The following RBMS3 variants were observed in gnomAD, a reference collection of about 807,000 sequenced individuals.
RBMS3 encodes the protein RNA-binding motif, single-stranded-interacting protein 3.
A neutral mutation model predicts 66.8 loss-of-function variants in RBMS3; 27 were observed. The observed-to-expected ratio is 0.40, with a 90% CI of 0.30 to 0.56. The LOEUF (loss-of-function observed/expected upper bound fraction) is 0.56. Among genes scored for constraint, RBMS3 ranks in the 20% least tolerant of loss-of-function variants. RBMS3 has a pLI of 0.40. For missense variants in RBMS3, 513 were observed against 549.5 expected (o/e 0.93, Z 0.66); for synonymous variants, 188 against 183.0 (o/e 1.03, Z -0.22).
intron 3 of RBMS3, among the ~76,000 whole-genome samples, chr3:29,578,341 C>T (rs375691895): frequency 1.3e-5 from 2 of 152,128 alleles, no homozygotes; most frequent in African/African-American, 2.4e-5. Flanking sequence ...TTGTTACTCT[C>T]GATTGTGCAT....
At chr3:29,759,994 A>G (rs2055598844) in intron 5 of RBMS3, among the ~76,000 whole-genome samples, 1 of 152,096 alleles carries the variant, frequency 6.6e-6, no homozygotes, top group Non-Finnish European at 1.5e-5. Context: ...CTCACAGCAG[A>G]CATTCACTTA....
intron 4 of RBMS3, among the ~76,000 whole-genome samples, chr3:29,727,122 T>G (rs2053918748): frequency 6.6e-6 from 1 of 152,146 alleles, no homozygotes; most frequent in African/African-American, 2.4e-5. Flanking sequence ...GGGAAAGGAT[T>G]CCCTATTTAA....
At chr3:29,683,241 A>G (rs985801836) in intron 4 of RBMS3, among the ~76,000 whole-genome samples, 1 of 152,176 alleles carries the variant, frequency 6.6e-6, no homozygotes, top group Non-Finnish European at 1.5e-5. Flanking sequence ...GCTCAAGATC[A>G]TTTTCAATGA....
At chr3:29,439,235 G>A (rs180923555) in intron 2 of RBMS3, among the ~76,000 whole-genome samples, 152 of 152,244 alleles carry the variant, frequency 1.0e-3, no homozygotes, top group Non-Finnish European at 1.8e-3. Context: ...TTTATCTTAA[G>A]AACAATGGAG....
chr3:29,364,190 A>C (rs552812408), intron 1 of RBMS3, among the ~76,000 whole-genome samples: 2 of 152,306 alleles, frequency 1.3e-5, no homozygotes, highest in South Asian at 4.2e-4. Context: ...TATATCATTA[A>C]TCGAAAACAA....
At chr3:29,398,454 C>T (rs1415761832) in intron 1 of RBMS3, among the ~76,000 whole-genome samples, 1 of 152,110 alleles carries the variant, frequency 6.6e-6, no homozygotes, top group Non-Finnish European at 1.5e-5. Context: ...ACTGCACATC[C>T]TAGAATCATG....
chr3:29,789,149 A>G (rs2056920932), intron 6 of RBMS3, among the ~76,000 whole-genome samples: 1 of 152,024 alleles, frequency 6.6e-6, no homozygotes, highest in Non-Finnish European at 1.5e-5. Flanking sequence ...ATTTATCTTG[A>G]CTTCATTCAT....
intron 10 of RBMS3, among the ~76,000 whole-genome samples, chr3:29,935,871 T>C (rs1227473114): frequency 6.6e-6 from 1 of 152,094 alleles, no homozygotes; most frequent in Non-Finnish European, 1.5e-5. Context: ...ACAGGTAAAT[T>C]ACCTCAGAAG....
intron 2 of RBMS3, among the ~76,000 whole-genome samples, chr3:29,443,152 C>T (rs1015039266): frequency 1.3e-5 from 2 of 152,078 alleles, no homozygotes; most frequent in African/African-American, 4.8e-5. Flanking sequence ...AGGGATCCCA[C>T]TATTCTCTAT....
chr3:30,001,269 G>A (rs1016666859), intron 14 of RBMS3, among the ~76,000 whole-genome samples: 1 of 151,960 alleles, frequency 6.6e-6, no homozygotes, highest in South Asian at 2.1e-4. Flanking sequence ...TTTTTACATA[G>A]CATTACATGA....
At chr3:29,456,479 A>T (rs189567781) in intron 2 of RBMS3, among the ~76,000 whole-genome samples, 4 of 152,298 alleles carry the variant, frequency 2.6e-5, no homozygotes. Context: ...CTTAGTGATG[A>T]TAATTCACTC....
intron 1 of RBMS3, among the ~76,000 whole-genome samples, chr3:29,361,108 T>G (rs2037557072): frequency 6.6e-6 from 1 of 152,098 alleles, no homozygotes; most frequent in Admixed American, 6.5e-5. Flanking sequence ...AGCTGGTTAT[T>G]TTGCTCGTTA....
intron 1 of RBMS3, among the ~76,000 whole-genome samples, chr3:29,419,999 CT>C (rs1271653733): frequency 6.6e-6 from 1 of 152,164 alleles, no homozygotes; most frequent in Non-Finnish European, 1.5e-5. Flanking sequence ...TGTTTTCATT[CT>C]GCTTAAGATG....
intron 4 of RBMS3, among the ~76,000 whole-genome samples, chr3:29,619,186 G>A (rs1245506913): frequency 6.6e-6 from 1 of 150,952 alleles, no homozygotes; most frequent in Non-Finnish European, 1.5e-5. Context: ...GAACTTAGAT[G>A]AAGGGTCAAT....
At chr3:29,627,659 C>A (rs1189007064) in intron 4 of RBMS3, among the ~76,000 whole-genome samples, 1 of 152,062 alleles carries the variant, frequency 6.6e-6, no homozygotes, top group South Asian at 2.1e-4. Context: ...TAAGTGTTTG[C>A]CTTTTAATAA....
chr3:29,350,835 G>T (rs1355498063), intron 1 of RBMS3, among the ~76,000 whole-genome samples: 1 of 150,620 alleles, frequency 6.6e-6, no homozygotes, highest in Non-Finnish European at 1.5e-5. Flanking sequence ...TGCCATAAAA[G>T]GTAAAAGAAA....
intron 10 of RBMS3, among the ~76,000 whole-genome samples, chr3:29,914,461 C>T (rs541221829): frequency 6.6e-6 from 1 of 151,916 alleles, no homozygotes; most frequent in Non-Finnish European, 1.5e-5. Context: ...TAGCAATTCG[C>T]TCACTTTTCA....
chr3:29,941,974 G>A (rs868310908), intron 11 of RBMS3, among the ~76,000 whole-genome samples: 4 of 151,720 alleles, frequency 2.6e-5, no homozygotes, highest in African/African-American at 7.3e-5. Context: ...GTAGTCAGTC[G>A]AGATACTTCA....
At chr3:29,658,625 G>C (rs959214780) in intron 4 of RBMS3, among the ~76,000 whole-genome samples, 1 of 152,168 alleles carries the variant, frequency 6.6e-6, no homozygotes, top group Non-Finnish European at 1.5e-5. Context: ...AGCAAAAGAT[G>C]CTGTTGAGCT....
Sources: allele counts gnomAD v4.1 joint callset (sites outside exome capture counted in the v4.1 genomes callset), GRCh38; gene constraint gnomAD v4.1.1; transcripts MANE v1.5; gene names NCBI Gene and HGNC (gene_info 2026-07-23, HGNC 2026-07-21).